PTPRT: variants seen among roughly 807,000 people sequenced by gnomAD.
PTPRT encodes the protein receptor-type tyrosine-protein phosphatase T.
In PTPRT, 56 loss-of-function variants were observed where a neutral mutation model predicts 176.8. That is an observed-to-expected ratio of 0.32 (90% CI 0.26 to 0.40). The LOEUF (loss-of-function observed/expected upper bound fraction) is 0.40. Among genes scored for constraint, PTPRT ranks in the 10% least tolerant of loss-of-function variants. PTPRT has a pLI of 1.00. For synonymous variants in PTPRT, 783 were observed against 739.0 expected, an observed-to-expected ratio of 1.06 and a Z score of -0.96; for missense variants, 1,540 against 1,908.2, an observed-to-expected ratio of 0.81 and a Z score of 3.60.
intron 1 of PTPRT, among the ~76,000 whole-genome samples, chr20:42,889,208 T>G (rs1204098232): frequency 6.6e-6 from 1 of 152,152 alleles, no homozygotes; most frequent in Non-Finnish European, 1.5e-5. Context: ...CTGAACCACC[T>G]TGCTTCTCCC....
At chr20:43,021,348 G>A (rs1164562728) in intron 1 of PTPRT, among the ~76,000 whole-genome samples, 1 of 152,150 alleles carries the variant, frequency 6.6e-6, no homozygotes, top group Non-Finnish European at 1.5e-5. Flanking sequence ...AGCTGAGCCT[G>A]TCGCTATAAA....
intron 8 of PTPRT, among the ~76,000 whole-genome samples, chr20:42,463,728 C>A (rs977143329): frequency 2.0e-5 from 3 of 152,072 alleles, no homozygotes; most frequent in African/African-American, 7.2e-5. Flanking sequence ...TAGCCATGTA[C>A]AATTCAACAG....
chr20:42,032,230 T>C, the PTPRT span, among the ~76,000 whole-genome samples: 3 of 151,906 alleles, frequency 2.0e-5, no homozygotes, highest in Non-Finnish European at 4.4e-5. Context: ...AGGATATCCA[T>C]AGGAAGGACC....
At chr20:42,486,530 T>G (rs547072918) in intron 7 of PTPRT, among the ~76,000 whole-genome samples, 1 of 152,202 alleles carries the variant, frequency 6.6e-6, no homozygotes, top group Non-Finnish European at 1.5e-5. Flanking sequence ...TATACATACC[T>G]CCTACATTTC....
At chr20:42,590,843 T>A (rs2073556552) in intron 7 of PTPRT, among the ~76,000 whole-genome samples, 1 of 152,110 alleles carries the variant, frequency 6.6e-6, no homozygotes, top group African/African-American at 2.4e-5. Flanking sequence ...AAAACCTCGA[T>A]AATTGATTGG....
chr20:42,335,242 T>C (rs2058023615), intron 11 of PTPRT, among the ~76,000 whole-genome samples: 1 of 152,136 alleles, frequency 6.6e-6, no homozygotes, highest in African/African-American at 2.4e-5. Context: ...CCTTTGAACA[T>C]GGAGAGCTAT....
intron 17 of PTPRT, among the ~76,000 whole-genome samples, chr20:42,157,165 A>T (rs546442444): frequency 7.9e-5 from 12 of 152,058 alleles, no homozygotes; most frequent in Non-Finnish European, 1.5e-4. Flanking sequence ...CTTCCTCCAG[A>T]TATCTTCCAC....
the PTPRT span, among the ~76,000 whole-genome samples, chr20:42,056,428 G>A: frequency 6.6e-6 from 1 of 152,206 alleles, no homozygotes; most frequent in African/African-American, 2.4e-5. Flanking sequence ...GAGATGGAGG[G>A]CTTGGGAGGT....
intron 16 of PTPRT, among the ~76,000 whole-genome samples, chr20:42,167,279 C>T (rs973187473): frequency 2.6e-5 from 4 of 152,082 alleles, no homozygotes; most frequent in Admixed American, 2.6e-4. Flanking sequence ...TTCGCCTTTC[C>T]TTGTCTCCTC....
chr20:42,742,739 G>A (rs971469049), intron 6 of PTPRT, among the ~76,000 whole-genome samples: 1 of 152,154 alleles, frequency 6.6e-6, no homozygotes, highest in African/African-American at 2.4e-5. Context: ...GTATGAAGCA[G>A]GTCCCACACT....
At chr20:42,275,097 T>C (rs1394347746) in intron 13 of PTPRT, among the ~76,000 whole-genome samples, 1 of 152,260 alleles carries the variant, frequency 6.6e-6, no homozygotes, top group Non-Finnish European at 1.5e-5. Context: ...ATTTATTTAG[T>C]GTGTGCTAAG....
At chr20:42,699,053 T>C (rs970156054) in intron 6 of PTPRT, among the ~76,000 whole-genome samples, 2 of 152,094 alleles carry the variant, frequency 1.3e-5, no homozygotes, top group Admixed American at 6.5e-5. Context: ...GGAGAAGAAA[T>C]CTAGTCTCAT....
intron 9 of PTPRT, among the ~76,000 whole-genome samples, chr20:42,375,977 T>C (rs1238647064): frequency 6.6e-6 from 1 of 151,976 alleles, no homozygotes; most frequent in Non-Finnish European, 1.5e-5. Context: ...TAAAGCAGCA[T>C]GGGAGGATAT....
intron 9 of PTPRT, among the ~76,000 whole-genome samples, chr20:42,370,268 C>T (rs2058569859): frequency 6.6e-6 from 1 of 152,228 alleles, no homozygotes; most frequent in East Asian, 1.9e-4. Context: ...AAGGGCTTCT[C>T]TGCCTTGTCG....
chr20:42,683,271 T>TTTTTTG (rs1555898538), intron 6 of PTPRT, among the ~76,000 whole-genome samples: 2 of 149,398 alleles, frequency 1.3e-5, no homozygotes, highest in Middle Eastern at 3.4e-3. Context: ...TTACTTGTTT[T>TTTTTTG]TTTTGTTTTG....
chr20:42,612,219 T>G lies in PTPRT; in HGVS notation c.1153+65647A>C, dbSNP rs75630855. On this transcript the variant is annotated intron_variant, in intron 7 of 30. Transcript: ENST00000373187. ...TCTCCCACCATTGTTCTTCGATATA[T>G]GACAAAACTCCCAATTTGTCAAATG... Among the ~76,000 whole-genome samples the G allele has an allele frequency of 6.4e-4, 98 of 152,332 alleles. No individual in the cohort carries two copies. In the East Asian group the frequency reaches 0.015, roughly 23 times the overall value.
chr20:42,288,346 GTTT>G lies in PTPRT; in HGVS notation c.2140-5824_2140-5822del, dbSNP rs1460299936. 3.6e-3 allele frequency among the ~76,000 whole-genome samples: 64 copies of G among 17,572 alleles called. 1 individual carries two copies. The highest frequency in any genetic ancestry group is 5.7e-3 in the Non-Finnish European group (49 of 8,662). The allele number at this position is 17,572 out of a possible 152,430, so 11.5% of individuals were successfully genotyped here. A position where few individuals can be genotyped will look rare whatever the true frequency, so the allele number is the denominator to read the frequency against. On this transcript the variant is annotated intron_variant, in intron 12 of 30. Coordinates refer to ENST00000373187, the MANE Select transcript of PTPRT (RefSeq NM_007050.6). ...AAAGGGAATTCTGCAGAGTTTTTTT[GTTT>G]TGTTTTGTTTTGTTTTGTTTTAAGA...
intron 6 of PTPRT, among the ~76,000 whole-genome samples, chr20:42,698,380 C>G (rs1391263418): frequency 6.6e-6 from 1 of 152,200 alleles, no homozygotes; most frequent in Non-Finnish European, 1.5e-5. Context: ...CAGGACCCCT[C>G]TGAAAGGACT....
At chr20:42,339,955 C>T (rs765183637) in intron 11 of PTPRT, among the ~76,000 whole-genome samples, 1 of 152,128 alleles carries the variant, frequency 6.6e-6, no homozygotes, top group Non-Finnish European at 1.5e-5. Flanking sequence ...GGATCCCTGG[C>T]CTTTACCTCT....
Sources: allele counts gnomAD v4.1 joint callset (sites outside exome capture counted in the v4.1 genomes callset), GRCh38; gene constraint gnomAD v4.1.1; transcripts MANE v1.5; gene names NCBI Gene and HGNC (gene_info 2026-07-23, HGNC 2026-07-21).